The following SNTB1 variants were observed in gnomAD, a reference collection of about 807,000 sequenced individuals.
SNTB1 encodes syntrophin beta 1.
Under a neutral mutation model 48.9 loss-of-function variants are expected in SNTB1, and 36 were observed. That is an observed-to-expected ratio of 0.74 (90% CI 0.56 to 0.97). The LOEUF is 0.97. Among genes scored for constraint, SNTB1 ranks in the 50% least tolerant of loss-of-function variants. The pLI is 0.00. For missense variants in SNTB1, 786 were observed against 703.4 expected, an observed-to-expected ratio of 1.12 and a Z score of -1.33; for synonymous variants, 299 against 294.6, an observed-to-expected ratio of 1.01 and a Z score of -0.15.
intron 4 of SNTB1, chr8:120,571,155 G>T: frequency 8.5e-7 from 1 of 1,183,384 alleles, no homozygotes; most frequent in Non-Finnish European, 1.1e-6. Flanking sequence ...GTGAGAACAA[G>T]GCTATGTACG....
chr8:120,550,184 C>T (rs944871256), intron 4 of SNTB1, among the ~76,000 whole-genome samples: 4 of 152,060 alleles, frequency 2.6e-5, no homozygotes, highest in East Asian at 1.9e-4. Context: ...GCAAGAGGGG[C>T]GGTTTGCAAT....
At chr8:120,600,620 G>T (rs1410941628) in intron 3 of SNTB1, among the ~76,000 whole-genome samples, 1 of 152,090 alleles carries the variant, frequency 6.6e-6, no homozygotes, top group Non-Finnish European at 1.5e-5. Context: ...TTCCTTACTT[G>T]TCTTTTATTC....
At chr8:120,730,181 CAG>C (rs1459088554) in intron 1 of SNTB1, among the ~76,000 whole-genome samples, 14 of 151,982 alleles carry the variant, frequency 9.2e-5, no homozygotes, top group Middle Eastern at 3.2e-3. Flanking sequence ...TTTTTTGAGA[CAG>C]AGTCTTGCTC....
intron 6 of SNTB1, among the ~76,000 whole-genome samples, chr8:120,539,336 T>G (rs527756890): frequency 7.2e-5 from 11 of 152,312 alleles, no homozygotes; most frequent in Non-Finnish European, 8.8e-5. Flanking sequence ...GAAGATTAGG[T>G]TTGAATCCTG....
chr8:120,705,493 C>T (rs1477383541), intron 1 of SNTB1, among the ~76,000 whole-genome samples: 2 of 152,152 alleles, frequency 1.3e-5, no homozygotes, highest in Non-Finnish European at 2.9e-5. Context: ...ATACAATCAA[C>T]AGGGGTAAGA....
At chr8:120,810,813 A>C (rs1820412556) in intron 1 of SNTB1, among the ~76,000 whole-genome samples, 1 of 152,060 alleles carries the variant, frequency 6.6e-6, no homozygotes, top group Non-Finnish European at 1.5e-5. Context: ...TGGAGTGGGA[A>C]ATTTTGCCAA....
intron 1 of SNTB1, among the ~76,000 whole-genome samples, chr8:120,744,910 CTTTCT>C (rs1819100624): frequency 1.3e-5 from 2 of 152,136 alleles, no homozygotes; most frequent in South Asian, 4.1e-4. Context: ...AGTTCCACAG[CTTTCT>C]TTTATTATCC....
At chr8:120,803,037 A>G (rs1820257604) in intron 1 of SNTB1, among the ~76,000 whole-genome samples, 1 of 152,108 alleles carries the variant, frequency 6.6e-6, no homozygotes, top group African/African-American at 2.4e-5. Flanking sequence ...AAAAACTGTG[A>G]CAGGAAGAAA....
intron 3 of SNTB1, among the ~76,000 whole-genome samples, chr8:120,621,500 A>G (rs1207090623): frequency 2.0e-5 from 3 of 152,224 alleles, no homozygotes; most frequent in Non-Finnish European, 1.5e-5. Flanking sequence ...AGAGAGTACA[A>G]TGAACAGTAC....
intron 1 of SNTB1, among the ~76,000 whole-genome samples, chr8:120,793,691 T>C (rs1306665290): frequency 1.3e-5 from 2 of 152,028 alleles, no homozygotes; most frequent in Non-Finnish European, 1.5e-5. Context: ...CCTATTAAAC[T>C]TAAAACTCTA....
intron 4 of SNTB1, among the ~76,000 whole-genome samples, chr8:120,563,651 C>T (rs1815699669): frequency 1.3e-5 from 2 of 152,134 alleles, no homozygotes; most frequent in South Asian, 2.1e-4. Context: ...CAAAGAAATG[C>T]ATCAACTATG....
At chr8:120,764,730 A>C (rs920955691) in intron 1 of SNTB1, among the ~76,000 whole-genome samples, 2 of 152,172 alleles carry the variant, frequency 1.3e-5, no homozygotes, top group Non-Finnish European at 2.9e-5. Flanking sequence ...GGCCCTGCTC[A>C]GCTGAAGTAA....
chr8:120,761,706 A>C (rs1819423159), intron 1 of SNTB1, among the ~76,000 whole-genome samples: 1 of 152,254 alleles, frequency 6.6e-6, no homozygotes, highest in South Asian at 2.1e-4. Context: ...TGGGGTGATC[A>C]TCAGGTAGAT....
At chr8:120,758,354 C>T (rs548406673) in intron 1 of SNTB1, among the ~76,000 whole-genome samples, 4 of 152,148 alleles carry the variant, frequency 2.6e-5, no homozygotes, top group African/African-American at 9.6e-5. Context: ...TTCTCACCTC[C>T]AGACATATTC....
intron 1 of SNTB1, among the ~76,000 whole-genome samples, chr8:120,735,569 A>G (rs1818928457): frequency 6.6e-6 from 1 of 152,180 alleles, no homozygotes; most frequent in African/African-American, 2.4e-5. Flanking sequence ...GGACACACAT[A>G]AAAGAAACAC....
In SNTB1 at chr8:120,537,639, A is replaced by C. The variant is rs907388248; in HGVS notation, c.*1238T>G. ...AATGTTTATAGAGATCCTAGAGCTC[A>C]TTTTCAAGGTTTGAGAAAAGTGACT... On this transcript the variant is annotated 3_prime_UTR_variant, in exon 7 of 7. Coordinates refer to ENST00000517992, the MANE Select transcript of SNTB1 (RefSeq NM_021021.4). The C allele has an allele frequency of 9.9e-5, 15 of 152,198 alleles. No individual in the cohort carries two copies. The highest frequency in any genetic ancestry group is 2.2e-4 in the Non-Finnish European group (15 of 68,032). 9.4% of individuals were successfully genotyped at this position (152,198 alleles called of 1,614,324 possible). A position where few individuals can be genotyped will look rare whatever the true frequency, so the allele number is the denominator to read the frequency against.
intron 2 of SNTB1, among the ~76,000 whole-genome samples, chr8:120,666,256 T>A (rs370977848): frequency 2.6e-5 from 4 of 152,386 alleles, no homozygotes; most frequent in African/African-American, 9.6e-5. Context: ...TTTCTTGTAG[T>A]GCAGGTATGC....
At chr8:120,597,167 G>T (rs1816340959) in intron 3 of SNTB1, among the ~76,000 whole-genome samples, 1 of 152,188 alleles carries the variant, frequency 6.6e-6, no homozygotes, top group Non-Finnish European at 1.5e-5. Flanking sequence ...GAGTGATGTG[G>T]CCACAAGCCA....
intron 1 of SNTB1, among the ~76,000 whole-genome samples, chr8:120,792,829 C>G (rs1820059529): frequency 6.6e-6 from 1 of 151,986 alleles, no homozygotes; most frequent in South Asian, 2.1e-4. Context: ...ATTTCCCTCT[C>G]AAGACTCATA....
Sources: allele counts gnomAD v4.1 joint callset (sites outside exome capture counted in the v4.1 genomes callset), GRCh38; gene constraint gnomAD v4.1.1; transcripts MANE v1.5; gene names NCBI Gene and HGNC (gene_info 2026-07-23, HGNC 2026-07-21).